Variants in SAMD5 observed in about 807,000 individuals in gnomAD.
SAMD5 encodes the protein sterile alpha motif domain-containing protein 5.
A neutral mutation model predicts 11.3 loss-of-function variants in SAMD5; 13 were observed. The ratio of observed to expected loss-of-function variants is 1.15; its 90% CI spans 0.75 to 1.83. The LOEUF (loss-of-function observed/expected upper bound fraction) is 1.83, where lower values mean the gene tolerates loss of function less well. Ranked by LOEUF, SAMD5 falls within the 40% of genes most tolerant of loss-of-function variation. The pLI, the probability that SAMD5 is intolerant of heterozygous loss-of-function variation, is 0.00. For synonymous variants in SAMD5, 129 were observed against 111.3 expected (o/e 1.16, Z -1.00); for missense variants, 255 against 239.1 (o/e 1.07, Z -0.44).
intron 1 of SAMD5, among the ~76,000 whole-genome samples, chr6:147,520,668 G>C (rs1193898389): frequency 6.6e-6 from 1 of 152,032 alleles, no homozygotes; most frequent in African/African-American, 2.4e-5. Context: ...AGTCTAAATG[G>C]ATAAGAGTCA....
the SAMD5 span, among the ~76,000 whole-genome samples, chr6:147,917,774 A>T: frequency 5.3e-5 from 8 of 152,180 alleles, no homozygotes; most frequent in African/African-American, 1.9e-4. Flanking sequence ...CTTTCTACAT[A>T]TGGCTAGCCA....
intron 1 of SAMD5, among the ~76,000 whole-genome samples, chr6:147,710,580 T>G (rs1212410579): frequency 6.6e-6 from 1 of 152,122 alleles, no homozygotes; most frequent in Non-Finnish European, 1.5e-5. Context: ...AGCATCACAG[T>G]GCTGGTGCCC....
At chr6:147,783,129 A>T in the SAMD5 span, among the ~76,000 whole-genome samples, 11 of 152,202 alleles carry the variant, frequency 7.2e-5, no homozygotes, top group African/African-American at 2.7e-4. Flanking sequence ...GTTTAAAACA[A>T]TAAGCATAGC....
At chr6:147,724,237 C>A (rs1462176617) in intron 1 of SAMD5, among the ~76,000 whole-genome samples, 3 of 152,192 alleles carry the variant, frequency 2.0e-5, no homozygotes, top group Non-Finnish European at 4.4e-5. Context: ...AAGCGATTCT[C>A]CCCCTTCAGC....
the SAMD5 span, among the ~76,000 whole-genome samples, chr6:147,806,888 C>T: frequency 1.4e-3 from 211 of 152,120 alleles, no homozygotes; most frequent in Admixed American, 2.7e-3. Context: ...GGATTAGTGG[C>T]CTTGTAAGAG....
At chr6:147,913,772 T>G in the SAMD5 span, among the ~76,000 whole-genome samples, 1 of 152,222 alleles carries the variant, frequency 6.6e-6, no homozygotes. Flanking sequence ...GAATTAGATG[T>G]ATTTATGTGA....
At chr6:147,688,938 A>G (rs1329309973) in intron 1 of SAMD5, among the ~76,000 whole-genome samples, 1 of 152,228 alleles carries the variant, frequency 6.6e-6, no homozygotes, top group Non-Finnish European at 1.5e-5. Flanking sequence ...TGAAGCACCA[A>G]AAAGCTCTCT....
At chr6:147,751,759 G>A in the SAMD5 span, among the ~76,000 whole-genome samples, 8 of 152,140 alleles carry the variant, frequency 5.3e-5, no homozygotes, top group African/African-American at 1.7e-4. Flanking sequence ...CTGGTGAGAC[G>A]CTAACTCTCT....
intron 1 of SAMD5, among the ~76,000 whole-genome samples, chr6:147,667,830 T>C (rs891543220): frequency 6.6e-6 from 1 of 152,200 alleles, no homozygotes; most frequent in African/African-American, 2.4e-5. Context: ...AAATAAAAGA[T>C]CATGAAATAA....
the SAMD5 span, among the ~76,000 whole-genome samples, chr6:147,761,675 G>C: frequency 2.0e-5 from 3 of 152,112 alleles, no homozygotes; most frequent in Non-Finnish European, 4.4e-5. Context: ...GGGTTAAAAA[G>C]TAAGCTTTTG....
At chr6:147,800,251 T>G in the SAMD5 span, among the ~76,000 whole-genome samples, 1,781 of 152,146 alleles carry the variant, frequency 0.012, 42 homozygotes, top group African/African-American at 0.041. Flanking sequence ...GTTTTTGGTG[T>G]GGATGTCCCT....
chr6:147,636,087 A>T (rs1039634791), intron 1 of SAMD5, among the ~76,000 whole-genome samples: 6 of 143,436 alleles, frequency 4.2e-5, no homozygotes, highest in Non-Finnish European at 8.8e-5. Flanking sequence ...AAAGACACCC[A>T]TGGGAAAGTC....
At chr6:147,819,074 A>T in the SAMD5 span, among the ~76,000 whole-genome samples, 1 of 152,176 alleles carries the variant, frequency 6.6e-6, no homozygotes, top group Non-Finnish European at 1.5e-5. Flanking sequence ...CATGAAATCA[A>T]CCTAAATGCC....
the SAMD5 span, among the ~76,000 whole-genome samples, chr6:147,897,092 G>A: frequency 6.6e-6 from 1 of 152,118 alleles, no homozygotes; most frequent in Non-Finnish European, 1.5e-5. Flanking sequence ...AAAGTATGAT[G>A]ATTAGATTAT....
At chr6:147,700,254 G>A (rs1791234099) in intron 1 of SAMD5, among the ~76,000 whole-genome samples, 1 of 152,182 alleles carries the variant, frequency 6.6e-6, no homozygotes, top group South Asian at 2.1e-4. Context: ...GCTCCATCCT[G>A]CCTTGCGTGA....
In SAMD5 at chr6:147,568,749, T is replaced by C. The variant is rs757633170; in HGVS notation, c.*4293T>C. The C allele has an allele frequency of 3.0e-5, 29 of 977,798 alleles. No homozygotes were observed. The highest frequency in any genetic ancestry group is 1.2e-4 in the Admixed American group (2 of 16,264). 60.6% of individuals were successfully genotyped at this position (977,798 alleles called of 1,614,324 possible). A position where few individuals can be genotyped will look rare whatever the true frequency, so the allele number is the denominator to read the frequency against. The stretch of plus-strand genomic sequence containing the variant: ...TATTAGCTCCCTCAGTTGTCATCAA[T>C]TACATATTCCTACATCAGATATTTT... On this transcript the variant is annotated 3_prime_UTR_variant, in exon 2 of 2. Coordinates refer to ENST00000367474, the MANE Select transcript of SAMD5 (RefSeq NM_001030060.3).
intron 1 of SAMD5, among the ~76,000 whole-genome samples, chr6:147,550,749 A>AGAAGGGTGTGAGGTGGGCAGAGGT (rs1788757278): frequency 1.3e-5 from 2 of 152,206 alleles, no homozygotes; most frequent in Non-Finnish European, 2.9e-5. Context: ...TTGGAGACTC[A>AGAAGGGTGTGAGGTGGGCAGAGGT]GAAGGGTGTG....
At position 147,567,941 on chromosome 6, in the gene SAMD5, A is replaced by T; in HGVS notation, c.*3485A>T. 1 of 986,114 alleles carries T rather than the reference A, an allele frequency of 1.0e-6. No homozygotes were observed. Among genetic ancestry groups the T allele is most frequent in the Non-Finnish European group, 1.2e-6 (1 of 830,480 alleles). The allele number at this position is 986,114 out of a possible 1,614,324, so 61.1% of individuals were successfully genotyped here. On this transcript the variant is annotated 3_prime_UTR_variant, in exon 2 of 2. Coordinates refer to ENST00000367474, the MANE Select transcript of SAMD5 (RefSeq NM_001030060.3). The stretch of plus-strand genomic sequence containing the variant: ...GTCTCAAAACAAAACAAAACAAAAC[A>T]AAACAGCAAATTCATAAAGGCCAGC...
At chr6:147,668,199 CCTT>C (rs1790747675) in intron 1 of SAMD5, among the ~76,000 whole-genome samples, 1 of 152,258 alleles carries the variant, frequency 6.6e-6, no homozygotes, top group South Asian at 2.1e-4. Flanking sequence ...TTTTTGCAAA[CCTT>C]CTCCTGTGCA....
Sources: gnomAD v4.1 joint callset for allele counts (sites outside exome capture counted in the v4.1 genomes callset) on GRCh38, gnomAD v4.1.1 for gene constraint, MANE v1.5 for transcripts, NCBI Gene and HGNC (gene_info 2026-07-23, HGNC 2026-07-21) for gene names.